Variants in KLHL1 observed in about 807,000 individuals in gnomAD.
KLHL1 encodes the protein kelch like family member 1, also known as kelch-like protein 1.
A neutral mutation model predicts 77.7 loss-of-function variants in KLHL1; 47 were observed. The observed-to-expected ratio is 0.60, with a 90% CI of 0.48 to 0.77. The LOEUF is 0.77. Ranked by LOEUF, KLHL1 falls within the 30% of genes least tolerant of loss-of-function variation. KLHL1 has a pLI of 0.00. For missense variants in KLHL1, 925 were observed against 910.8 expected, an observed-to-expected ratio of 1.02 and a Z score of -0.20; for synonymous variants, 360 against 325.2, an observed-to-expected ratio of 1.11 and a Z score of -1.15.
intron 6 of KLHL1, among the ~76,000 whole-genome samples, chr13:69,813,274 T>G (rs1310864493): frequency 1.4e-5 from 2 of 147,154 alleles, no homozygotes; most frequent in Non-Finnish European, 3.0e-5. Context: ...AATTGAACAA[T>G]GAGAACACTT....
chr13:69,893,255 T>G, intron 4 of KLHL1, among the ~76,000 whole-genome samples: 2 of 142,808 alleles, frequency 1.4e-5, no homozygotes, highest in African/African-American at 2.6e-5. Flanking sequence ...TGAGAGGGAG[T>G]CTCGCTCTGT....
intron 2 of KLHL1, among the ~76,000 whole-genome samples, chr13:69,974,910 G>A (rs925481914): frequency 5.3e-5 from 8 of 151,894 alleles, no homozygotes; most frequent in African/African-American, 1.9e-4. Flanking sequence ...ATATAAAAAT[G>A]CTTTCAATAG....
intron 1 of KLHL1, among the ~76,000 whole-genome samples, chr13:69,980,837 A>G (rs17086085): frequency 0.15 from 23,165 of 152,102 alleles, 3,767 homozygotes; most frequent in African/African-American, 0.41. Flanking sequence ...TCTCTGCCAT[A>G]TCAAACATTT....
chr13:69,915,974 C>A (rs1423905134), intron 4 of KLHL1, among the ~76,000 whole-genome samples: 1 of 152,118 alleles, frequency 6.6e-6, no homozygotes, highest in Non-Finnish European at 1.5e-5. Flanking sequence ...ATGCAGCCAA[C>A]AGACACATGA....
At chr13:69,719,284 A>T in intron 9 of KLHL1, 85 bp downstream of exon 9, 1 of 1,170,984 alleles carries the variant, frequency 8.5e-7, no homozygotes, top group Non-Finnish European at 1.3e-6. Context: ...CTTCCTAAAT[A>T]ATGCAATTTT....
At chr13:70,090,476 G>GAA (rs138937966) in intron 1 of KLHL1, among the ~76,000 whole-genome samples, 91 of 147,652 alleles carry the variant, frequency 6.2e-4, no homozygotes, top group African/African-American at 9.9e-4. Context: ...AAGGTTTATT[G>GAA]AAAAAAAAAA....
intron 9 of KLHL1, among the ~76,000 whole-genome samples, chr13:69,713,805 G>A (rs577678031): frequency 6.6e-6 from 1 of 152,046 alleles, no homozygotes; most frequent in South Asian, 2.1e-4. Flanking sequence ...ATATTTGTTG[G>A]TACACATGGT....
At chr13:69,916,701 T>C (rs902479386) in intron 4 of KLHL1, among the ~76,000 whole-genome samples, 3 of 151,696 alleles carry the variant, frequency 2.0e-5, no homozygotes, top group African/African-American at 7.3e-5. Flanking sequence ...GTAACAAACC[T>C]GCACATTGTG....
chr13:70,043,042 A>G (rs1285742894), intron 1 of KLHL1, among the ~76,000 whole-genome samples: 2 of 152,148 alleles, frequency 1.3e-5, no homozygotes, highest in African/African-American at 4.8e-5. Flanking sequence ...AGTAGCTGGG[A>G]TTATAGGCGT....
At chr13:69,772,745 G>A (rs1875634506) in intron 7 of KLHL1, among the ~76,000 whole-genome samples, 2 of 152,092 alleles carry the variant, frequency 1.3e-5, no homozygotes, top group Non-Finnish European at 2.9e-5. Context: ...AGTTGTTTCT[G>A]GATGAACAAA....
At chr13:69,947,838 G>T (rs1883579675) in intron 3 of KLHL1, among the ~76,000 whole-genome samples, 1 of 152,024 alleles carries the variant, frequency 6.6e-6, no homozygotes. Context: ...GCAAAAAGCA[G>T]CCAAGTATTT....
chr13:69,740,252 C>A, intron 8 of KLHL1, 142 bp downstream of exon 8: 4 of 603,640 alleles, frequency 6.6e-6, no homozygotes, highest in Non-Finnish European at 1.1e-5. Context: ...GAGCACCAGT[C>A]TTTATTTGTC....
In KLHL1 at chr13:69,975,611, C is replaced by T. The variant is rs376375244; in HGVS notation, c.680+9G>A. On this transcript the variant is annotated intron_variant, in intron 2 of 10. Coordinates refer to ENST00000377844, the MANE Select transcript of KLHL1 (RefSeq NM_020866.3). ...AATGCATGTTTCCAGTAGAGGCAGA[C>T]TACTGTACCTATGTGCAGGTATCTT... 1 of 1,611,094 alleles carries T rather than the reference C, an allele frequency of 6.2e-7. No homozygotes were observed. The highest frequency in any genetic ancestry group is 1.3e-5 in the African/African-American group (1 of 74,734).
chr13:70,073,799 A>G (rs1205955281), intron 1 of KLHL1, among the ~76,000 whole-genome samples: 1 of 151,744 alleles, frequency 6.6e-6, no homozygotes, highest in South Asian at 2.1e-4. Flanking sequence ...AAGAAAAAGA[A>G]AAATTGAAAT....
chr13:69,778,122 A>G (rs1289913887), intron 7 of KLHL1, among the ~76,000 whole-genome samples: 1 of 152,140 alleles, frequency 6.6e-6, no homozygotes, highest in African/African-American at 2.4e-5. Context: ...AAAGAGATTT[A>G]AAATGCAGCC....
chr13:69,790,244 A>T (rs1320946959), intron 7 of KLHL1, among the ~76,000 whole-genome samples: 1 of 149,728 alleles, frequency 6.7e-6, no homozygotes, highest in Non-Finnish European at 1.5e-5. Context: ...CACTGGCAAA[A>T]AAATATTAAA....
intron 6 of KLHL1, among the ~76,000 whole-genome samples, chr13:69,837,778 G>A (rs1879086777): frequency 6.7e-6 from 1 of 150,146 alleles, no homozygotes; most frequent in African/African-American, 2.4e-5. Flanking sequence ...TACCCCAGAT[G>A]GAAGACATTT....
At chr13:69,817,056 C>A (rs978274431) in intron 6 of KLHL1, among the ~76,000 whole-genome samples, 1 of 151,980 alleles carries the variant, frequency 6.6e-6, no homozygotes, top group African/African-American at 2.4e-5. Context: ...TTTACGTTTT[C>A]ATCTTAAAAT....
At chr13:70,093,208 G>T (rs1252606988) in intron 1 of KLHL1, among the ~76,000 whole-genome samples, 1 of 152,070 alleles carries the variant, frequency 6.6e-6, no homozygotes, top group Non-Finnish European at 1.5e-5. Context: ...AGAGAGAAAA[G>T]GGGAAGGCAA....
Sources: gnomAD v4.1 joint callset for allele counts (sites outside exome capture counted in the v4.1 genomes callset) on GRCh38, gnomAD v4.1.1 for gene constraint, MANE v1.5 for transcripts, NCBI Gene and HGNC (gene_info 2026-07-23, HGNC 2026-07-21) for gene names.